Variants in MEGF9 observed in about 807,000 individuals in gnomAD.
MEGF9 encodes multiple epidermal growth factor-like domains protein 9.
Under a neutral mutation model 46.8 loss-of-function variants are expected in MEGF9, and 6 were observed. That is an observed-to-expected ratio of 0.13 (90% CI 0.07 to 0.25). The LOEUF (loss-of-function observed/expected upper bound fraction) is 0.25. Ranked by LOEUF, MEGF9 falls within the 10% of genes least tolerant of loss-of-function variation. MEGF9 has a pLI of 1.00. For missense variants in MEGF9, 683 were observed against 792.4 expected, an observed-to-expected ratio of 0.86 and a Z score of 1.66; for synonymous variants, 302 against 330.7, an observed-to-expected ratio of 0.91 and a Z score of 0.94.
At chr9:120,711,869 ACACC>A (rs1554800504) in intron 1 of MEGF9, among the ~76,000 whole-genome samples, 2 of 149,948 alleles carry the variant, frequency 1.3e-5, no homozygotes, top group African/African-American at 5.0e-5. Flanking sequence ...ACACACACAC[ACACC>A]CACAGGCCTG....
chr9:120,616,395 T>A (rs974546681), intron 3 of MEGF9, among the ~76,000 whole-genome samples: 2 of 151,922 alleles, frequency 1.3e-5, no homozygotes, highest in Admixed American at 1.3e-4. Flanking sequence ...AAAAATGGTA[T>A]GGGGCTGGGT....
chr9:120,675,902 A>AC (rs1564425748), intron 1 of MEGF9, among the ~76,000 whole-genome samples: 1 of 151,190 alleles, frequency 6.6e-6, no homozygotes, highest in African/African-American at 2.4e-5. Flanking sequence ...AAAAAAAAAA[A>AC]AAAAAAAACA....
intron 2 of MEGF9, among the ~76,000 whole-genome samples, chr9:120,654,265 T>TA (rs1315503384): frequency 1.3e-5 from 2 of 152,000 alleles, no homozygotes; most frequent in African/African-American, 4.8e-5. Flanking sequence ...GTTACCTCAT[T>TA]AAAAAAAGGA....
intron 2 of MEGF9, 74 bp from the exon 3 acceptor site, chr9:120,622,829 G>A (rs1365721696): frequency 1.3e-6 from 2 of 1,483,318 alleles, no homozygotes; most frequent in Non-Finnish European, 9.2e-7. Flanking sequence ...CCCCAGAAGG[G>A]AAAGAAAGCC....
intron 2 of MEGF9, among the ~76,000 whole-genome samples, chr9:120,649,791 T>G (rs996607148): frequency 1.3e-5 from 2 of 152,226 alleles, no homozygotes; most frequent in Non-Finnish European, 2.9e-5. Context: ...AAATTGGTTT[T>G]GTTGTACCTT....
At chr9:120,650,365 T>G (rs1014598213) in intron 2 of MEGF9, among the ~76,000 whole-genome samples, 9 of 152,230 alleles carry the variant, frequency 5.9e-5, no homozygotes, top group African/African-American at 1.9e-4. Context: ...ATTAAGCACA[T>G]GTCAAAATAT....
At chr9:120,680,439 G>A (rs868696793) in intron 1 of MEGF9, among the ~76,000 whole-genome samples, 2 of 152,264 alleles carry the variant, frequency 1.3e-5, no homozygotes, top group African/African-American at 4.8e-5. Flanking sequence ...TTACCAAGCA[G>A]AAACTCTTAT....
At chr9:120,650,432 C>T (rs1045626458) in intron 2 of MEGF9, among the ~76,000 whole-genome samples, 23 of 152,096 alleles carry the variant, frequency 1.5e-4, no homozygotes, top group Admixed American at 7.2e-4. Flanking sequence ...AGTTCAGATA[C>T]TGTACACCAA....
intron 1 of MEGF9, among the ~76,000 whole-genome samples, chr9:120,704,385 G>A (rs1335732132): frequency 6.6e-6 from 1 of 151,578 alleles, no homozygotes; most frequent in East Asian, 1.9e-4. Flanking sequence ...GTCAAGTTCT[G>A]TGATTCACCT....
intron 2 of MEGF9, among the ~76,000 whole-genome samples, chr9:120,636,845 G>C (rs913941553): frequency 1.6e-5 from 2 of 121,372 alleles, no homozygotes; most frequent in Non-Finnish European, 3.8e-5. Context: ...CAGCCGCCCC[G>C]TCTGGGGGGT....
At chr9:120,652,478 TAAAAAAAAAAAAAA>T (rs57268783) in intron 2 of MEGF9, among the ~76,000 whole-genome samples, 1 of 85,600 alleles carries the variant, frequency 1.2e-5, no homozygotes, top group Admixed American at 1.5e-4. Context: ...GATCTTGTCT[TAAAAAAAAAAAAAA>T]AAAAAAAAAA....
At chr9:120,635,206 T>G (rs1191751176) in intron 2 of MEGF9, among the ~76,000 whole-genome samples, 1 of 152,228 alleles carries the variant, frequency 6.6e-6, no homozygotes, top group Non-Finnish European at 1.5e-5. Flanking sequence ...GACTCCCTTA[T>G]ACATGACTTG....
chr9:120,688,204 G>T (rs1262196273), intron 1 of MEGF9, among the ~76,000 whole-genome samples: 1 of 151,460 alleles, frequency 6.6e-6, no homozygotes, highest in African/African-American at 2.4e-5. Flanking sequence ...GGGCTTCAGA[G>T]ATCAAGTTAG....
At chr9:120,632,883 G>A (rs1337866003) in intron 2 of MEGF9, among the ~76,000 whole-genome samples, 1 of 152,176 alleles carries the variant, frequency 6.6e-6, no homozygotes, top group African/African-American at 2.4e-5. Flanking sequence ...GTTGATTGAT[G>A]TATCACGTTT....
In MEGF9 at chr9:120,635,884, T is replaced by C. The variant is rs114732534; in HGVS notation, c.804-13129A>G. ...TGGTGGCAACCTATTTCCATGCTCT[T>C]TCATATTTCTGGTGTCCCTGTGTTG... is the stretch of plus-strand genomic sequence containing the variant. On this transcript the variant is annotated intron_variant, in intron 2 of 5. Coordinates refer to ENST00000373930, the MANE Select transcript of MEGF9 (RefSeq NM_001080497.3). Among the ~76,000 whole-genome samples, 528 of 152,278 alleles carry C rather than the reference T, an allele frequency of 3.5e-3. 6 individuals are homozygous for C. The highest frequency in any genetic ancestry group is 0.012 in the African/African-American group (505 of 41,552).
chr9:120,672,980 G>A (rs553826186), intron 1 of MEGF9, among the ~76,000 whole-genome samples: 10 of 152,202 alleles, frequency 6.6e-5, no homozygotes, highest in South Asian at 2.1e-4. Flanking sequence ...CCGAGATTGC[G>A]CCATTGCACT....
At chr9:120,657,843 C>A (rs2043684504) in intron 2 of MEGF9, among the ~76,000 whole-genome samples, 1 of 152,220 alleles carries the variant, frequency 6.6e-6, no homozygotes, top group African/African-American at 2.4e-5. Context: ...CTTTCTCTGG[C>A]ACTTACTATC....
chr9:120,657,681 G>A (rs2043683671), intron 2 of MEGF9, among the ~76,000 whole-genome samples: 1 of 152,170 alleles, frequency 6.6e-6, no homozygotes, highest in South Asian at 2.1e-4. Context: ...CATGTTTTAG[G>A]GGGAGTGGAG....
intron 2 of MEGF9, among the ~76,000 whole-genome samples, chr9:120,628,968 T>C (rs925377348): frequency 1.3e-5 from 2 of 151,840 alleles, no homozygotes; most frequent in East Asian, 3.9e-4. Context: ...CCAGTCATGA[T>C]GACTTTGTTT....
Sources: gnomAD v4.1 joint callset for allele counts (sites outside exome capture counted in the v4.1 genomes callset) on GRCh38, gnomAD v4.1.1 for gene constraint, MANE v1.5 for transcripts, NCBI Gene and HGNC (gene_info 2026-07-23, HGNC 2026-07-21) for gene names.